EEA1: variants seen among roughly 807,000 people sequenced by gnomAD.
EEA1 encodes the protein early endosome antigen 1, 162kD.
In EEA1, 111 loss-of-function variants were observed where a neutral mutation model predicts 209.2. The ratio of observed to expected loss-of-function variants is 0.53; its 90% CI spans 0.45 to 0.62. The LOEUF is 0.62. Among genes scored for constraint, EEA1 ranks in the 20% least tolerant of loss-of-function variants. The pLI, the probability that EEA1 is intolerant of heterozygous loss-of-function variation, is 0.00. For missense variants in EEA1, 1,343 were observed against 1,530.8 expected (o/e 0.88, Z 2.05); for synonymous variants, 536 against 540.6 (o/e 0.99, Z 0.12).
At chr12:92,847,781 T>A (rs2136706001) in intron 9 of EEA1, among the ~76,000 whole-genome samples, 1 of 152,318 alleles carries the variant, frequency 6.6e-6, no homozygotes, top group Middle Eastern at 3.4e-3. Flanking sequence ...AACAATTTAC[T>A]TAATCTCATT....
intron 15 of EEA1, among the ~76,000 whole-genome samples, chr12:92,813,469 T>G (rs1229448051): frequency 1.3e-5 from 2 of 152,154 alleles, no homozygotes; most frequent in African/African-American, 4.8e-5. Context: ...AAATGATTAC[T>G]CCGAAGATAA....
intron 11 of EEA1, among the ~76,000 whole-genome samples, chr12:92,828,543 T>C (rs768334055): frequency 1.3e-5 from 2 of 151,524 alleles, no homozygotes; most frequent in Non-Finnish European, 2.9e-5. Flanking sequence ...CAAGTCCTCA[T>C]ACTGGCACAT....
Position 92,772,149 on chromosome 12 carries a change from G to A in EEA1, c.*3862C>T, listed in dbSNP as rs1333577595. 2 of 151,614 alleles carry A rather than the reference G, an allele frequency of 1.3e-5. No homozygotes were observed. Among genetic ancestry groups the A allele is most frequent in the African/African-American group, 2.4e-5 (1 of 41,302 alleles). The allele number at this position is 151,614 out of a possible 1,614,324, so 9.4% of individuals were successfully genotyped here. Reference sequence around the variant, plus strand: ...CCTTCCAAAAAGTATCTTTGGGGAGGGGAGGGAGAAAAATAAATAAATAAA... The same window carrying A: ...CCTTCCAAAAAGTATCTTTGGGGAGAGGAGGGAGAAAAATAAATAAATAAA... On this transcript the variant is annotated 3_prime_UTR_variant, in exon 29 of 29. Coordinates refer to ENST00000322349, the MANE Select transcript of EEA1 (RefSeq NM_003566.4).
intron 1 of EEA1, among the ~76,000 whole-genome samples, chr12:92,910,942 C>T (rs1458935815): frequency 6.6e-6 from 1 of 152,204 alleles, no homozygotes; most frequent in African/African-American, 2.4e-5. Context: ...GATACCACAA[C>T]ACAGCTAGTA....
intron 10 of EEA1, among the ~76,000 whole-genome samples, chr12:92,835,172 C>G (rs12315629): frequency 6.6e-6 from 1 of 152,036 alleles, no homozygotes; most frequent in Admixed American, 6.6e-5. Context: ...TGAGCCACCG[C>G]GCCTGGCCAG....
At position 92,864,824 on chromosome 12, in the gene EEA1, TC is replaced by T. The variant is rs757299960; in HGVS notation, c.245+35del. On this transcript the variant is annotated intron_variant, in intron 3 of 28. Transcript: ENST00000322349. ...TTAAACGACGATACCACATGCATAT[TC>T]CATAACATTATACTTCAAAATTATC... The T allele has an allele frequency of 1.1e-5, 16 of 1,504,042 alleles. No individual in the cohort carries two copies. In the African/African-American group the frequency reaches 2.3e-4, roughly 21 times the overall value. The allele number at this position is 1,504,042 out of a possible 1,614,324, so 93.2% of individuals were successfully genotyped here.
intron 21 of EEA1, among the ~76,000 whole-genome samples, chr12:92,789,255 A>T (rs1414380468): frequency 6.7e-6 from 1 of 148,512 alleles, no homozygotes; most frequent in Admixed American, 7.0e-5. Context: ...GCACCACTGC[A>T]CTCCATCCTG....
At chr12:92,869,865 T>C (rs965975023) in intron 2 of EEA1, among the ~76,000 whole-genome samples, 4 of 150,540 alleles carry the variant, frequency 2.7e-5, no homozygotes, top group Non-Finnish European at 5.9e-5. Context: ...GAAGAAAAGT[T>C]GACCCACAAG....
At chr12:92,928,590 G>A (rs954735863) in intron 1 of EEA1, among the ~76,000 whole-genome samples, 3 of 152,152 alleles carry the variant, frequency 2.0e-5, no homozygotes, top group Non-Finnish European at 4.4e-5. Flanking sequence ...TGCGCATCGT[G>A]TCAAATTGGG....
At chr12:92,884,488 T>A in intron 2 of EEA1, 1 of 1,496,840 alleles carries the variant, frequency 6.7e-7, no homozygotes, top group South Asian at 1.1e-5. Flanking sequence ...GATTTGGTAA[T>A]GATGGAAGCA....
chr12:92,777,420 A>G, intron 27 of EEA1, 123 bp downstream of exon 27: 1 of 1,097,046 alleles, frequency 9.1e-7, no homozygotes, highest in Non-Finnish European at 1.3e-6. Flanking sequence ...AATACTGCTA[A>G]ACAGAGAGTA....
rs1338138469 is a variant in EEA1, at chr12:92,778,132, T to A, written c.3702A>T (p.Glu1234Asp). ...TCTGCATGGTAAGTTTAGCCTCATT[T>A]TCTTCATGCTTCTTCATTCCTACTT... ...EKEVGMKKHE[E>D]NEAKLTMQIT... The change falls in exon 26 of 29, where the codon GAA (glutamate) becomes GAT (aspartate). Residue 1234 changes from glutamate (E) to aspartate (D), a missense_variant. Coordinates refer to ENST00000322349, the MANE Select transcript of EEA1 (RefSeq NM_003566.4). 2 of 1,613,098 alleles carry A rather than the reference T, an allele frequency of 1.2e-6. No homozygotes were observed. The highest frequency in any genetic ancestry group is 1.7e-5 in the Admixed American group (1 of 59,858).
At chr12:92,779,065 T>G (rs777762931) in intron 25 of EEA1, 50 bp downstream of exon 25, 1 of 1,475,592 alleles carries the variant, frequency 6.8e-7, no homozygotes, top group Non-Finnish European at 9.1e-7. Context: ...CTCACTGGAT[T>G]GATTTAAAGC....
At chr12:92,825,497 T>C (rs1452829682) in intron 13 of EEA1, among the ~76,000 whole-genome samples, 1 of 151,234 alleles carries the variant, frequency 6.6e-6, no homozygotes, top group Admixed American at 6.6e-5. Flanking sequence ...AATATCAAAG[T>C]CAAATTCACT....
At chr12:92,915,508 G>A (rs867544842) in intron 1 of EEA1, among the ~76,000 whole-genome samples, 52 of 152,052 alleles carry the variant, frequency 3.4e-4, no homozygotes, top group African/African-American at 1.2e-3. Flanking sequence ...AAAAAAGCTG[G>A]AAGGTACTCA....
intron 21 of EEA1, among the ~76,000 whole-genome samples, chr12:92,791,062 T>A (rs887544251): frequency 1.1e-4 from 17 of 152,106 alleles, no homozygotes; most frequent in Non-Finnish European, 2.2e-4. Flanking sequence ...CCTTTACAGA[T>A]GAGCAAATGC....
At chr12:92,883,862 T>A (rs1879270825) in intron 2 of EEA1, 3 of 1,602,298 alleles carry the variant, frequency 1.9e-6, no homozygotes, top group Non-Finnish European at 2.6e-6. Flanking sequence ...GATGAGAGCC[T>A]GAGGAGCCAT....
chr12:92,809,709 T>A (rs534702777), intron 17 of EEA1, among the ~76,000 whole-genome samples: 46 of 150,478 alleles, frequency 3.1e-4, no homozygotes, highest in African/African-American at 9.3e-4. Flanking sequence ...AAAAAAAAAA[T>A]TAATTCTGAA....
chr12:92,923,744 T>C (rs1881101854), intron 1 of EEA1, among the ~76,000 whole-genome samples: 1 of 151,842 alleles, frequency 6.6e-6, no homozygotes, highest in African/African-American at 2.4e-5. Flanking sequence ...GTTTTTTTTT[T>C]ACTCTCAAGA....
Sources: allele counts gnomAD v4.1 joint callset (sites outside exome capture counted in the v4.1 genomes callset), GRCh38; gene constraint gnomAD v4.1.1; transcripts MANE v1.5; gene names NCBI Gene and HGNC (gene_info 2026-07-23, HGNC 2026-07-21).